Variants in KLHL1 observed in about 807,000 individuals in gnomAD.
KLHL1 encodes the protein kelch-like protein 1.
KLHL1 carries 47 observed loss-of-function variants against 77.7 expected under a neutral mutation model. The ratio of observed to expected loss-of-function variants is 0.60; its 90% CI spans 0.48 to 0.77. KLHL1 has a LOEUF of 0.77. KLHL1 is among the 30% of genes least tolerant of loss of function. The pLI, the probability that KLHL1 is intolerant of heterozygous loss-of-function variation, is 0.00. For synonymous variants in KLHL1, 360 were observed against 325.2 expected (o/e 1.11, Z -1.15); for missense variants, 925 against 910.8 (o/e 1.02, Z -0.20).
chr13:69,809,218 G>T (rs1448578674), intron 6 of KLHL1, among the ~76,000 whole-genome samples: 1 of 152,000 alleles, frequency 6.6e-6, no homozygotes, highest in Non-Finnish European at 1.5e-5. Context: ...GAACTCCTGC[G>T]AGATACTAAG....
At chr13:69,944,397 G>T (rs368927674) in intron 3 of KLHL1, among the ~76,000 whole-genome samples, 1 of 152,106 alleles carries the variant, frequency 6.6e-6, no homozygotes, top group Non-Finnish European at 1.5e-5. Context: ...TTTGGCCTTC[G>T]CCCCATAGGT....
At chr13:69,986,699 G>A (rs959848231) in intron 1 of KLHL1, among the ~76,000 whole-genome samples, 4 of 152,012 alleles carry the variant, frequency 2.6e-5, no homozygotes, top group Middle Eastern at 3.4e-3. Context: ...TGTATATTCA[G>A]AAAAAGATTT....
intron 8 of KLHL1, among the ~76,000 whole-genome samples, chr13:69,736,065 C>T (rs1021646409): frequency 6.6e-6 from 1 of 152,058 alleles, no homozygotes; most frequent in African/African-American, 2.4e-5. Context: ...AAAAGTTCTG[C>T]ACAGCAAAAG....
At chr13:69,787,285 G>C (rs1189061011) in intron 7 of KLHL1, among the ~76,000 whole-genome samples, 27 of 152,000 alleles carry the variant, frequency 1.8e-4, no homozygotes, top group Non-Finnish European at 3.5e-4. Context: ...GTAACCAAAA[G>C]AGCATGGTAC....
rs969272551 is a variant in KLHL1, at chr13:69,947,189, T to C, written c.818-6953A>G. Among the ~76,000 whole-genome samples, 6 of 151,982 alleles carry C rather than the reference T, an allele frequency of 3.9e-5. No individual in the cohort carries two copies. In the East Asian group the frequency reaches 1.2e-3, roughly 29 times the overall value. ...TTATACTCTCTTCCTTTAAGCTCTT[T>C]CAGTGTTTCATTTGTTTTCTGCTGG... On this transcript the variant is annotated intron_variant, in intron 3 of 10. Transcript: ENST00000377844.
chr13:69,940,750 T>A (rs1321207117), intron 3 of KLHL1, among the ~76,000 whole-genome samples: 3 of 151,210 alleles, frequency 2.0e-5, no homozygotes, highest in African/African-American at 4.8e-5. Flanking sequence ...TTTAGTTTTT[T>A]CTTTGTTTTT....
At chr13:69,784,777 G>A (rs1478338892) in intron 7 of KLHL1, among the ~76,000 whole-genome samples, 10 of 151,186 alleles carry the variant, frequency 6.6e-5, no homozygotes, top group Non-Finnish European at 1.5e-4. Context: ...ACAGATCAAC[G>A]AGACAGAAAG....
intron 1 of KLHL1, among the ~76,000 whole-genome samples, chr13:70,088,559 T>C (rs1353777047): frequency 1.3e-5 from 2 of 152,096 alleles, no homozygotes; most frequent in Non-Finnish European, 1.5e-5. Flanking sequence ...GGTGTATGCC[T>C]ATATCTCCAG....
chr13:70,103,447 A>G (rs1467571142), intron 1 of KLHL1, among the ~76,000 whole-genome samples: 2 of 152,064 alleles, frequency 1.3e-5, no homozygotes. Context: ...TGAGGGAGTG[A>G]GGGATGTGGA....
At chr13:69,826,429 A>C (rs917790137) in intron 6 of KLHL1, among the ~76,000 whole-genome samples, 34 of 152,204 alleles carry the variant, frequency 2.2e-4, no homozygotes, top group African/African-American at 8.2e-4. Flanking sequence ...CACTAAAAAC[A>C]CAAAAAAACC....
chr13:69,958,438 T>G (rs1318012747), intron 3 of KLHL1, among the ~76,000 whole-genome samples: 3 of 148,680 alleles, frequency 2.0e-5, no homozygotes, highest in Admixed American at 6.7e-5. Context: ...CTATAAAAGT[T>G]ATTTTTTCAA....
At chr13:69,947,053 TGTGTGTG>T in intron 3 of KLHL1, among the ~76,000 whole-genome samples, 1 of 146,390 alleles carries the variant, frequency 6.8e-6, no homozygotes. Flanking sequence ...TGTGTGTGTG[TGTGTGTG>T]TGTGTGTGTG....
intron 1 of KLHL1, among the ~76,000 whole-genome samples, chr13:69,991,269 C>T (rs1228090407): frequency 1.3e-5 from 2 of 151,406 alleles, no homozygotes; most frequent in Non-Finnish European, 3.0e-5. Flanking sequence ...GCGAACCAAC[C>T]CAAAGGCTAG....
intron 4 of KLHL1, among the ~76,000 whole-genome samples, chr13:69,928,138 G>T (rs1882877512): frequency 1.3e-5 from 2 of 152,170 alleles, no homozygotes; most frequent in African/African-American, 2.4e-5. Context: ...TTTTGTTTAA[G>T]AATTGCTTAA....
chr13:69,784,479 GA>G (rs1368730762), intron 7 of KLHL1, among the ~76,000 whole-genome samples: 1 of 152,200 alleles, frequency 6.6e-6, no homozygotes, highest in African/African-American at 2.4e-5. Context: ...AAAATAAAGG[GA>G]TGGAGAAAGA....
rs953873733 is a variant in KLHL1, at chr13:69,932,655, CTAAGA to C, written c.1014+7380_1014+7384del. ...TCTTAAAAAATTTAACCTACTGTAC[CTAAGA>C]TATTTTTAATATATTGTGCTTGTGT... On this transcript the variant is annotated intron_variant, in intron 4 of 10. Transcript: ENST00000377844. 4.0e-5 allele frequency among the ~76,000 whole-genome samples: 6 copies of C among 151,810 alleles called. No individual in the cohort carries two copies. The South Asian group carries it at 8.3e-4, about 21-fold the overall frequency.
At chr13:69,781,877 T>C (rs1419873608) in intron 7 of KLHL1, among the ~76,000 whole-genome samples, 1 of 151,322 alleles carries the variant, frequency 6.6e-6, no homozygotes, top group Non-Finnish European at 1.5e-5. Context: ...TAATTATTGC[T>C]TTTTATCTCA....
chr13:69,989,578 C>A (rs1313156790), intron 1 of KLHL1, among the ~76,000 whole-genome samples: 1 of 151,894 alleles, frequency 6.6e-6, no homozygotes, highest in African/African-American at 2.4e-5. Flanking sequence ...AATATTGATT[C>A]TTCCTATCCA....
At chr13:70,014,468 A>T (rs1441562) in intron 1 of KLHL1, among the ~76,000 whole-genome samples, 1 of 151,834 alleles carries the variant, frequency 6.6e-6, no homozygotes, top group Non-Finnish European at 1.5e-5. Context: ...AATAGCATTT[A>T]TCAGATGATC....
Sources: allele counts gnomAD v4.1 joint callset (sites outside exome capture counted in the v4.1 genomes callset), GRCh38; gene constraint gnomAD v4.1.1; transcripts MANE v1.5; gene names NCBI Gene and HGNC (gene_info 2026-07-23, HGNC 2026-07-21).